Variants in CFI observed in about 807,000 individuals in gnomAD.
The protein encoded by CFI is complement factor I.
In CFI, 66 loss-of-function variants were observed where a neutral mutation model predicts 78.8. That is an observed-to-expected ratio of 0.84 (90% CI 0.69 to 1.03). The LOEUF (loss-of-function observed/expected upper bound fraction) is 1.03. Ranked by LOEUF, CFI falls within the 50% of genes least tolerant of loss-of-function variation. CFI has a pLI of 0.00. For missense variants in CFI, 706 were observed against 704.5 expected (o/e 1.00, Z -0.02); for synonymous variants, 250 against 232.6 (o/e 1.07, Z -0.68).
At chr4:109,768,334 T>TAAA (rs756365540) in intron 1 of CFI, among the ~76,000 whole-genome samples, 13,708 of 62,684 alleles carry the variant, frequency 0.22, 1,286 homozygotes, top group Admixed American at 0.3. Context: ...GAAGAAATCC[T>TAAA]AAAAAAAAAA....
rs866840003 is a variant in CFI at position 109,753,420 on chromosome 4, A to C, written c.905-917T>G. Among the ~76,000 whole-genome samples, 20 of 85,966 alleles carry C rather than the reference A, an allele frequency of 2.3e-4. 3 individuals are homozygous for C. Among genetic ancestry groups the C allele is most frequent in the African/African-American group, 9.5e-4 (19 of 20,030 alleles). The allele number at this position is 85,966 out of a possible 152,430, so 56.4% of individuals were successfully genotyped here. On this transcript the variant is annotated intron_variant, in intron 7 of 12. Transcript: ENST00000394634. ...TAATATATATTTATTATATAAATAA[A>C]TATTTATAATATATTTATTATATAA...
chr4:109,792,658 T>C (rs1004847560), intron 1 of CFI, among the ~76,000 whole-genome samples: 13 of 152,186 alleles, frequency 8.5e-5, no homozygotes, highest in Non-Finnish European at 1.5e-4. Context: ...TTTGGGGCTC[T>C]ATTGTTTAGT....
intron 7 of CFI, among the ~76,000 whole-genome samples, chr4:109,755,285 G>A (rs529326597): frequency 4.6e-5 from 7 of 152,282 alleles, no homozygotes; most frequent in South Asian, 2.1e-4. Flanking sequence ...TGGGGTTGAA[G>A]AAAACCCGCA....
intron 1 of CFI, among the ~76,000 whole-genome samples, chr4:109,781,188 T>C (rs778783941): frequency 9.2e-5 from 14 of 151,602 alleles, no homozygotes; most frequent in Admixed American, 4.0e-4. Context: ...CCAATGAAAT[T>C]GGAAAAAAAA....
At position 109,760,554 on chromosome 4, in the gene CFI, A is replaced by G. The variant is rs1308535667; in HGVS notation, c.741T>C (p.Cys247=). 9 of 1,607,694 alleles carry G rather than the reference A, an allele frequency of 5.6e-6. No homozygotes were observed. The highest frequency in any genetic ancestry group is 5.0e-5 in the Admixed American group (3 of 60,024). The change falls in exon 5 of 13, where the codon TGT becomes TGC. Residue 247 remains cysteine, a synonymous_variant. Transcript: ENST00000394634. ...QMKACDGIND[C]GDQSDELCCK... ...AACACAGTTCATCACTTTGGTCTCC[A>G]CAATCATTGATACCATCACAGGCTT...
intron 6 of CFI, 57 bp from the exon 7 acceptor site, chr4:109,757,840 A>G: frequency 7.4e-7 from 1 of 1,351,980 alleles, no homozygotes; most frequent in Non-Finnish European, 1.0e-6. Flanking sequence ...AAAAATGCAC[A>G]CTATAGCAAT....
intron 1 of CFI, among the ~76,000 whole-genome samples, chr4:109,778,279 TA>T (rs1483318623): frequency 6.6e-6 from 1 of 151,844 alleles, no homozygotes; most frequent in African/African-American, 2.4e-5. Flanking sequence ...ATAGATGCAA[TA>T]AAAAATGATA....
chr4:109,779,737 T>G (rs992766905), intron 1 of CFI, among the ~76,000 whole-genome samples: 5 of 152,128 alleles, frequency 3.3e-5, no homozygotes, highest in Admixed American at 3.3e-4. Context: ...CAAACTATAC[T>G]ACAAGTCTAC....
At position 109,761,711 on chromosome 4, in the gene CFI, A is replaced by C. The variant is rs1452349945; in HGVS notation, c.483-19T>G. On this transcript the variant is annotated intron_variant, in intron 3 of 12. Coordinates refer to ENST00000394634, the MANE Select transcript of CFI (RefSeq NM_000204.5). ...AGCACCTCTGCAAATAGAATAAAGG[A>C]AACATTATGGTAGAATAATTAGTAC... 6.3e-7 allele frequency: 1 copy of C among 1,591,536 alleles called. No homozygotes were observed. The highest frequency in any genetic ancestry group is 8.6e-7 in the Non-Finnish European group (1 of 1,161,070).
At chr4:109,799,704 A>G (rs1197197011) in intron 1 of CFI, among the ~76,000 whole-genome samples, 1 of 152,244 alleles carries the variant, frequency 6.6e-6, no homozygotes, top group Non-Finnish European at 1.5e-5. Context: ...TTAGAAGAAA[A>G]TTGCTTTAAC....
chr4:109,794,579 G>A (rs369390864), intron 1 of CFI, among the ~76,000 whole-genome samples: 86 of 152,090 alleles, frequency 5.7e-4, no homozygotes, highest in African/African-American at 2.0e-3. Flanking sequence ...ATCACTTGAG[G>A]TTCAGGAGTT....
At chr4:109,787,630 T>G (rs966043749) in intron 1 of CFI, among the ~76,000 whole-genome samples, 2 of 151,976 alleles carry the variant, frequency 1.3e-5, no homozygotes, top group African/African-American at 4.8e-5. Flanking sequence ...AATATTCATC[T>G]TTTTTCCAGA....
intron 1 of CFI, among the ~76,000 whole-genome samples, chr4:109,781,363 A>G (rs1448217650): frequency 6.6e-6 from 1 of 152,304 alleles, no homozygotes. Context: ...ACAAAAGATC[A>G]TTCAAGGCTA....
rs749607418 is a variant in CFI at position 109,752,515 on chromosome 4, CAA to C, written c.905-14_905-13del. On this transcript the variant is annotated splice_polypyrimidine_tract_variant and intron_variant, in intron 7 of 12. Coordinates refer to ENST00000394634, the MANE Select transcript of CFI (RefSeq NM_000204.5). ...AATTTCTGTTTCTTCTATGATAAAACAAAAGATTCCAATGTTTAAAGTTGTTA... is the reference window on the plus strand; with the variant it reads ...AATTTCTGTTTCTTCTATGATAAAACAAGATTCCAATGTTTAAAGTTGTTA... 2 of 1,606,002 alleles carry C rather than the reference CAA, an allele frequency of 1.2e-6. No homozygotes were observed. The highest frequency in any genetic ancestry group is 2.7e-5 in the African/African-American group (2 of 74,690).
In CFI at chr4:109,761,793, C is replaced by G. The variant is rs926201354; in HGVS notation, c.483-101G>C. Reference sequence around the variant, plus strand: ...GAAACTAGAGTAATGTCCTCTCATTCTCTATATAGGAGTTACAGCTTGGGC... The same window carrying G: ...GAAACTAGAGTAATGTCCTCTCATTGTCTATATAGGAGTTACAGCTTGGGC... On this transcript the variant is annotated intron_variant, in intron 3 of 12. Coordinates refer to ENST00000394634, the MANE Select transcript of CFI (RefSeq NM_000204.5). 7.1e-6 allele frequency: 7 copies of G among 984,772 alleles called. No individual in the cohort carries two copies. The South Asian group carries it at 8.0e-5, about 11-fold the overall frequency. The allele number at this position is 984,772 out of a possible 1,614,324, so 61.0% of individuals were successfully genotyped here.
At chr4:109,752,600 T>C (rs1298188373) in intron 7 of CFI, 97 bp from the exon 8 acceptor site, 32 of 1,031,774 alleles carry the variant, frequency 3.1e-5, no homozygotes, top group Non-Finnish European at 4.3e-5. Flanking sequence ...ATTTTCTGCC[T>C]TAAAACTTAT....
At chr4:109,791,560 T>G (rs1373646917) in intron 1 of CFI, among the ~76,000 whole-genome samples, 1 of 152,206 alleles carries the variant, frequency 6.6e-6, no homozygotes, top group Non-Finnish European at 1.5e-5. Flanking sequence ...CTTCCAGGGT[T>G]TTCATAGTTT....
At chr4:109,800,717 T>C (rs896066433) in intron 1 of CFI, among the ~76,000 whole-genome samples, 2 of 152,134 alleles carry the variant, frequency 1.3e-5, no homozygotes, top group Admixed American at 1.3e-4. Flanking sequence ...CTGTAAGATC[T>C]TTTAGTCATA....
At chr4:109,751,220 A>AT (rs1356414368) in intron 8 of CFI, among the ~76,000 whole-genome samples, 4 of 152,034 alleles carry the variant, frequency 2.6e-5, no homozygotes, top group African/African-American at 9.7e-5. Flanking sequence ...TGGATAGAAG[A>AT]TGGTTTTTTT....
Sources: gnomAD v4.1 joint callset for allele counts (sites outside exome capture counted in the v4.1 genomes callset) on GRCh38, gnomAD v4.1.1 for gene constraint, MANE v1.5 for transcripts, NCBI Gene and HGNC (gene_info 2026-07-23, HGNC 2026-07-21) for gene names.